Variants in CA10 observed in about 807,000 individuals in gnomAD.
The protein encoded by CA10 is carbonic anhydrase-related protein 10.
In CA10, 14 loss-of-function variants were observed where a neutral mutation model predicts 44.2. The ratio of observed to expected loss-of-function variants is 0.32; its 90% CI spans 0.21 to 0.50. The LOEUF is 0.50. Among genes scored for constraint, CA10 ranks in the 20% least tolerant of loss-of-function variants. The pLI, the probability that CA10 is intolerant of heterozygous loss-of-function variation, is 0.99. For synonymous variants in CA10, 159 were observed against 141.6 expected (o/e 1.12, Z -0.87); for missense variants, 350 against 409.7 (o/e 0.85, Z 1.26).
chr17:51,692,991 T>C (rs1489204671), intron 4 of CA10, among the ~76,000 whole-genome samples: 1 of 152,226 alleles, frequency 6.6e-6, no homozygotes, highest in Non-Finnish European at 1.5e-5. Flanking sequence ...TTTCAGCCAG[T>C]TTCAGCCAGT....
chr17:52,108,418 G>A (rs1205070672), intron 1 of CA10, among the ~76,000 whole-genome samples: 1 of 151,500 alleles, frequency 6.6e-6, no homozygotes, highest in Non-Finnish European at 1.5e-5. Flanking sequence ...GATGCCATGG[G>A]CCAGGCGCAG....
At chr17:51,741,355 C>T (rs1163207200) in intron 4 of CA10, among the ~76,000 whole-genome samples, 1 of 152,190 alleles carries the variant, frequency 6.6e-6, no homozygotes, top group Non-Finnish European at 1.5e-5. Context: ...TTTTGAATTT[C>T]TGAAAGCATA....
chr17:51,817,893 C>T (rs1207193519), intron 3 of CA10, among the ~76,000 whole-genome samples: 1 of 152,168 alleles, frequency 6.6e-6, no homozygotes. Context: ...AGAATTTGCC[C>T]ACCGTGGTGT....
intron 4 of CA10, among the ~76,000 whole-genome samples, chr17:51,668,011 C>A (rs1041326371): frequency 6.6e-6 from 1 of 152,178 alleles, no homozygotes; most frequent in Middle Eastern, 3.2e-3. Flanking sequence ...ATTTTTCATT[C>A]TTTCCTCCCT....
chr17:51,999,670 G>A (rs1299394671), intron 2 of CA10, among the ~76,000 whole-genome samples: 1 of 152,020 alleles, frequency 6.6e-6, no homozygotes, highest in Non-Finnish European at 1.5e-5. Context: ...CATCATCAAA[G>A]TTGAAAGCTG....
In CA10 at chr17:51,690,244, C is replaced by T. The variant is rs9895497; in HGVS notation, c.466-36508G>A. 4.6e-5 allele frequency among the ~76,000 whole-genome samples: 7 copies of T among 152,214 alleles called. No individual in the cohort carries two copies. The South Asian group carries it at 8.3e-4, about 18-fold the overall frequency. ...ATTACAGGCGTGAGCCACCATGCCT[C>T]GGCCCCTCTCTTAGCAATTTTTAAT... On this transcript the variant is annotated intron_variant, in intron 4 of 8. Transcript: ENST00000451037.
At chr17:51,792,125 C>G (rs149913451) in intron 3 of CA10, among the ~76,000 whole-genome samples, 9 of 152,226 alleles carry the variant, frequency 5.9e-5, no homozygotes, top group African/African-American at 2.2e-4. Flanking sequence ...TTATAGCTAT[C>G]ACAGGTAATT....
At chr17:52,071,849 G>A (rs1386837748) in intron 2 of CA10, among the ~76,000 whole-genome samples, 1 of 152,136 alleles carries the variant, frequency 6.6e-6, no homozygotes, top group Non-Finnish European at 1.5e-5. Context: ...TCTGTATTCA[G>A]TTCTCTGTCC....
chr17:51,850,367 A>G (rs886443073), intron 3 of CA10, among the ~76,000 whole-genome samples: 6 of 152,344 alleles, frequency 3.9e-5, no homozygotes, highest in South Asian at 4.1e-4. Context: ...CCGAACTTAC[A>G]AAGCAGCAAA....
In CA10 at chr17:51,947,303, G is replaced by A. The variant is rs140566650; in HGVS notation, c.137-16171C>T. Among the ~76,000 whole-genome samples, 19 of 150,634 alleles carry A rather than the reference G, an allele frequency of 1.3e-4. No individual in the cohort carries two copies. In the East Asian group the frequency reaches 2.2e-3, roughly 17 times the overall value. On this transcript the variant is annotated intron_variant, in intron 2 of 8. Transcript: ENST00000451037. ...CTTTATTTGTGTACTGTAAAAGACC[G>A]GTAGGAGCAGCCCAAATGGCTACAG... is the stretch of plus-strand genomic sequence containing the variant.
At chr17:52,151,513 T>C (rs976923574) in intron 1 of CA10, among the ~76,000 whole-genome samples, 5 of 152,274 alleles carry the variant, frequency 3.3e-5, no homozygotes, top group South Asian at 2.1e-4. Flanking sequence ...ATTTCTATTT[T>C]ACAACATGTA....
intron 1 of CA10, among the ~76,000 whole-genome samples, chr17:52,116,363 G>T (rs1458136340): frequency 6.6e-6 from 1 of 152,084 alleles, no homozygotes; most frequent in Non-Finnish European, 1.5e-5. Context: ...CAGCTTATAA[G>T]GAGTCCATGA....
At chr17:52,016,839 G>C (rs974482102) in intron 2 of CA10, among the ~76,000 whole-genome samples, 1 of 152,158 alleles carries the variant, frequency 6.6e-6, no homozygotes, top group Non-Finnish European at 1.5e-5. Flanking sequence ...CTTGAAACCA[G>C]TAGGTGGAGG....
intron 4 of CA10, among the ~76,000 whole-genome samples, chr17:51,657,989 A>G (rs779874952): frequency 1.3e-5 from 2 of 152,234 alleles, no homozygotes; most frequent in Admixed American, 6.5e-5. Flanking sequence ...CCTGGAAATT[A>G]TTTAATAATC....
chr17:52,154,378 T>G (rs1396117475), intron 1 of CA10, among the ~76,000 whole-genome samples: 1 of 152,130 alleles, frequency 6.6e-6, no homozygotes, highest in Non-Finnish European at 1.5e-5. Flanking sequence ...TGTGTGAAAA[T>G]ACCACATAAT....
chr17:51,787,265 T>C (rs1318509178), intron 3 of CA10, among the ~76,000 whole-genome samples: 2 of 152,204 alleles, frequency 1.3e-5, no homozygotes, highest in Non-Finnish European at 2.9e-5. Flanking sequence ...CCAATCAGGT[T>C]CCAGGCTTTT....
chr17:51,785,615 C>CA (rs1422757157), intron 3 of CA10, among the ~76,000 whole-genome samples: 20 of 151,930 alleles, frequency 1.3e-4, no homozygotes, highest in African/African-American at 4.1e-4. Flanking sequence ...GGAGGTTCCT[C>CA]AATAAAAACC....
In CA10 at chr17:51,844,445, A is replaced by G. The variant is rs1978403048; in HGVS notation, c.279+86545T>C. On this transcript the variant is annotated intron_variant, in intron 3 of 8. Coordinates refer to ENST00000451037, the MANE Select transcript of CA10 (RefSeq NM_020178.5). ...AATATTTTTCAAATTTAAGTAAAATATACTAATTTTTAAATAAATTTTCAA... is the reference window on the plus strand; with the variant it reads ...AATATTTTTCAAATTTAAGTAAAATGTACTAATTTTTAAATAAATTTTCAA... Among the ~76,000 whole-genome samples, 3 of 152,234 alleles carry G rather than the reference A, an allele frequency of 2.0e-5. No homozygotes were observed. In the South Asian group the frequency reaches 6.2e-4, roughly 31 times the overall value.
At chr17:51,863,080 C>G (rs371409944) in intron 3 of CA10, among the ~76,000 whole-genome samples, 24 of 152,170 alleles carry the variant, frequency 1.6e-4, no homozygotes, top group African/African-American at 5.6e-4. Flanking sequence ...CCCTCTAAAT[C>G]TCATTTACTT....
Sources: allele counts gnomAD v4.1 joint callset (sites outside exome capture counted in the v4.1 genomes callset), GRCh38; gene constraint gnomAD v4.1.1; transcripts MANE v1.5; gene names NCBI Gene and HGNC (gene_info 2026-07-23, HGNC 2026-07-21).